MGAT4C: variants seen among roughly 807,000 people sequenced by gnomAD.
MGAT4C encodes MGAT4 family member C.
A neutral mutation model predicts 40.1 loss-of-function variants in MGAT4C; 19 were observed. The ratio of observed to expected loss-of-function variants is 0.47; its 90% CI spans 0.33 to 0.70. The LOEUF is 0.70. MGAT4C is among the 30% of genes least tolerant of loss of function. The probability of loss-of-function intolerance (pLI) is 0.02; values close to 1 mark genes in which losing one functional copy is unlikely to be tolerated. For synonymous variants in MGAT4C, 181 were observed against 187.1 expected (o/e 0.97, Z 0.27); for missense variants, 491 against 563.2 (o/e 0.87, Z 1.30).
At chr12:86,260,019 C>A, upstream of MGAT4C, among the ~76,000 whole-genome samples, 1 of 142,196 alleles carries the variant, frequency 7.0e-6, no homozygotes, top group Non-Finnish European at 1.5e-5. Flanking sequence ...TTTTACTATT[C>A]ATTAGCATTA....
intron 2 of MGAT4C, among the ~76,000 whole-genome samples, chr12:86,529,639 C>T (rs902870669): frequency 6.6e-6 from 1 of 152,022 alleles, no homozygotes; most frequent in Non-Finnish European, 1.5e-5. Flanking sequence ...CACCAACTTG[C>T]CTTCTAGGTC....
intron 2 of MGAT4C, among the ~76,000 whole-genome samples, chr12:86,538,301 C>T (rs947992957): frequency 1.2e-4 from 19 of 152,052 alleles, no homozygotes; most frequent in African/African-American, 3.9e-4. Flanking sequence ...GAAACATAAG[C>T]ATTTTGAGAA....
At chr12:86,673,532 A>G (rs1964315768) in intron 2 of MGAT4C, among the ~76,000 whole-genome samples, 2 of 152,184 alleles carry the variant, frequency 1.3e-5, no homozygotes, top group Non-Finnish European at 2.9e-5. Context: ...ACATAGTAAT[A>G]TGCATTTTAA....
chr12:86,089,796 T>C (rs865799721), intron 1 of MGAT4C, among the ~76,000 whole-genome samples: 39 of 151,902 alleles, frequency 2.6e-4, no homozygotes, highest in Middle Eastern at 6.8e-3. Context: ...TTACAGTTTG[T>C]ATTTGTTTAG....
At chr12:86,776,392 G>A (rs946059813) in intron 1 of MGAT4C, among the ~76,000 whole-genome samples, 5 of 151,304 alleles carry the variant, frequency 3.3e-5, no homozygotes, top group African/African-American at 7.3e-5. Flanking sequence ...GCTTAAATTT[G>A]TATAAATGTT....
chr12:86,032,976 G>A (rs1890897218), intron 2 of MGAT4C, among the ~76,000 whole-genome samples: 1 of 149,238 alleles, frequency 6.7e-6, no homozygotes, highest in African/African-American at 2.4e-5. Context: ...TTTAGTTTTT[G>A]AAATATGGCT....
rs1035775656 is a variant in MGAT4C at position 86,256,259 on chromosome 12, C to G, written c.-77G>C. 6.6e-6 allele frequency: 1 copy of G among 152,132 alleles called. No homozygotes were observed. The highest frequency in any genetic ancestry group is 2.4e-5 in the African/African-American group (1 of 41,432). 9.4% of individuals were successfully genotyped at this position (152,132 alleles called of 1,614,324 possible). On this transcript the variant is annotated 5_prime_UTR_variant, in exon 1 of 5. Coordinates refer to ENST00000611864, the MANE Select transcript of MGAT4C (RefSeq NM_001351288.2). ...CTTACCAGAGACAGAGAAAACAATTCGTTCAGCTAGATCCAACAGTGCTCT... is the reference window on the plus strand; with the variant it reads ...CTTACCAGAGACAGAGAAAACAATTGGTTCAGCTAGATCCAACAGTGCTCT...
rs963158875 is a variant in MGAT4C, at chr12:85,973,685, C to A, written c.*5604G>T. On this transcript the variant is annotated 3_prime_UTR_variant, in exon 5 of 5. Coordinates refer to ENST00000611864, the MANE Select transcript of MGAT4C (RefSeq NM_001351288.2). Reference sequence around the variant, plus strand: ...CTATATTCTTAATTTAATTGTACTTCTATGGTCATATACAATTTACCTATC... The same window carrying A: ...CTATATTCTTAATTTAATTGTACTTATATGGTCATATACAATTTACCTATC... 1 of 150,696 alleles carries A rather than the reference C, an allele frequency of 6.6e-6. No homozygotes were observed. The highest frequency in any genetic ancestry group is 6.6e-5 in the Admixed American group (1 of 15,064). 9.3% of individuals were successfully genotyped at this position (150,696 alleles called of 1,614,324 possible).
chr12:86,767,578 G>C (rs562364625), intron 1 of MGAT4C, among the ~76,000 whole-genome samples: 1 of 152,228 alleles, frequency 6.6e-6, no homozygotes, highest in African/African-American at 2.4e-5. Context: ...GAGAATTTGA[G>C]ACCAATATCC....
At chr12:86,085,776 C>G (rs1447824216) in intron 1 of MGAT4C, among the ~76,000 whole-genome samples, 4 of 151,950 alleles carry the variant, frequency 2.6e-5, no homozygotes, top group Non-Finnish European at 4.4e-5. Context: ...GCAGCCAACA[C>G]ATATATAAGA....
chr12:86,743,115 CATGT>C (rs1565960047), intron 1 of MGAT4C, among the ~76,000 whole-genome samples: 1 of 109,156 alleles, frequency 9.2e-6, no homozygotes, highest in East Asian at 3.0e-4. Flanking sequence ...TGTGTGTATG[CATGT>C]GTGTGTGTGT....
At chr12:86,160,784 C>T (rs1390743611) in intron 1 of MGAT4C, among the ~76,000 whole-genome samples, 1 of 152,006 alleles carries the variant, frequency 6.6e-6, no homozygotes, top group African/African-American at 2.4e-5. Flanking sequence ...ATTTAGGATA[C>T]TTAAGGCTTC....
intron 2 of MGAT4C, among the ~76,000 whole-genome samples, chr12:86,446,148 T>C (rs1440901343): frequency 6.6e-6 from 1 of 152,168 alleles, no homozygotes; most frequent in Non-Finnish European, 1.5e-5. Flanking sequence ...TATTGTGATT[T>C]ATGTTCTTTA....
intron 2 of MGAT4C, among the ~76,000 whole-genome samples, chr12:86,666,905 A>G (rs958424996): frequency 1.3e-5 from 2 of 152,144 alleles, no homozygotes; most frequent in South Asian, 4.1e-4. Flanking sequence ...ATTCAAATTT[A>G]CTTTTATAGT....
intron 1 of MGAT4C, among the ~76,000 whole-genome samples, chr12:86,182,412 T>A (rs1353650608): frequency 6.6e-6 from 1 of 152,158 alleles, no homozygotes; most frequent in African/African-American, 2.4e-5. Flanking sequence ...AGATTCATGG[T>A]AATAAGTTTA....
chr12:86,357,364 C>T lies in MGAT4C; in HGVS notation c.-119-23237G>A, dbSNP rs754479907. ...ACCAAAGGTAGATAACACCACAAAA[C>T]GGGGAGAAACTAGAGCAGAAAAGTG... On this transcript the variant is annotated intron_variant, in intron 3 of 7. Transcript: ENST00000548651. Among the ~76,000 whole-genome samples the T allele has an allele frequency of 5.3e-4, 80 of 152,190 alleles. No homozygotes were observed. In the Middle Eastern group the frequency reaches 0.014, roughly 26 times the overall value.
chr12:86,252,597 G>A (rs78980860), intron 1 of MGAT4C, among the ~76,000 whole-genome samples: 1 of 151,842 alleles, frequency 6.6e-6, no homozygotes, highest in African/African-American at 2.4e-5. Context: ...ACTAGCATTA[G>A]TAGCTACCAA....
At chr12:86,230,113 G>C (rs1055165710) in intron 1 of MGAT4C, among the ~76,000 whole-genome samples, 8 of 152,062 alleles carry the variant, frequency 5.3e-5, no homozygotes, top group Non-Finnish European at 1.2e-4. Flanking sequence ...TCCTATGATA[G>C]TGTCTAGTAT....
At chr12:86,266,904 T>G (rs542781615) in intron 4 of MGAT4C, among the ~76,000 whole-genome samples, 1 of 152,260 alleles carries the variant, frequency 6.6e-6, no homozygotes, top group South Asian at 2.1e-4. Context: ...CTATTTCCTT[T>G]AGCCTTTTTA....
Sources: gnomAD v4.1 joint callset for allele counts (sites outside exome capture counted in the v4.1 genomes callset) on GRCh38, gnomAD v4.1.1 for gene constraint, MANE v1.5 for transcripts, NCBI Gene and HGNC (gene_info 2026-07-23, HGNC 2026-07-21) for gene names.